SIK2: variants seen among roughly 807,000 people sequenced by gnomAD.
SIK2 encodes the protein salt inducible kinase 2.
SIK2 carries 29 observed loss-of-function variants against 103.2 expected under a neutral mutation model. That is an observed-to-expected ratio of 0.28 (90% CI 0.21 to 0.38). The LOEUF (loss-of-function observed/expected upper bound fraction) is 0.38, where lower values mean the gene tolerates loss of function less well. Ranked by LOEUF, SIK2 falls within the 10% of genes least tolerant of loss-of-function variation. The probability of loss-of-function intolerance (pLI) is 1.00; values close to 1 mark genes in which losing one functional copy is unlikely to be tolerated. For missense variants in SIK2, 879 were observed against 1,171.0 expected (o/e 0.75, Z 3.64); for synonymous variants, 412 against 446.1 (o/e 0.92, Z 0.96).
intron 3 of SIK2, chr11:111,671,467 A>G (rs1321726731): frequency 7.9e-6 from 2 of 251,956 alleles, no homozygotes; most frequent in African/African-American, 2.3e-5. Context: ...CATCTCTGAG[A>G]TCTCTGTCTT....
intron 1 of SIK2, among the ~76,000 whole-genome samples, chr11:111,614,340 T>C (rs984505931): frequency 6.6e-6 from 1 of 152,044 alleles, no homozygotes; most frequent in Admixed American, 6.6e-5. Context: ...TGCCTCGGCC[T>C]TCCAAAGTGT....
At chr11:111,691,228 G>A (rs1354740051) in intron 4 of SIK2, among the ~76,000 whole-genome samples, 1 of 152,012 alleles carries the variant, frequency 6.6e-6, no homozygotes, top group Non-Finnish European at 1.5e-5. Context: ...TTGCTTTTTA[G>A]TATCTAATCT....
intron 3 of SIK2, among the ~76,000 whole-genome samples, chr11:111,636,326 C>T (rs1284262418): frequency 6.6e-6 from 1 of 152,132 alleles, no homozygotes; most frequent in African/African-American, 2.4e-5. Flanking sequence ...GTTTTACTCT[C>T]ATATGTGAAT....
intron 1 of SIK2, among the ~76,000 whole-genome samples, chr11:111,613,126 C>T (rs915046600): frequency 6.6e-6 from 1 of 151,598 alleles, no homozygotes; most frequent in Non-Finnish European, 1.5e-5. Context: ...TTCACTTTTT[C>T]ATTGTTGAGG....
chr11:111,619,299 G>T (rs1941850503), intron 2 of SIK2, among the ~76,000 whole-genome samples: 1 of 152,154 alleles, frequency 6.6e-6, no homozygotes, highest in African/African-American at 2.4e-5. Flanking sequence ...CCTTTCAGTA[G>T]ATAGCAGTTA....
At position 111,727,028 on chromosome 11, in the gene SIK2, A is replaced by T. The variant is rs767018821; in HGVS notation, c.*2899A>T. ...TTCCCAGCTGGGCAAGTGTGTCTCT[A>T]GTATCTCCACGCAACTGATACACTG... On this transcript the variant is annotated 3_prime_UTR_variant, in exon 15 of 15. Coordinates refer to ENST00000304987, the MANE Select transcript of SIK2 (RefSeq NM_015191.3). The T allele has an allele frequency of 1.2e-6, 2 of 1,614,130 alleles. No individual in the cohort carries two copies. Among genetic ancestry groups the T allele is most frequent in the East Asian group, 4.5e-5 (2 of 44,882 alleles).
intron 3 of SIK2, among the ~76,000 whole-genome samples, chr11:111,661,730 G>A (rs1227926000): frequency 5.3e-5 from 8 of 152,218 alleles, no homozygotes; most frequent in East Asian, 1.9e-4. Context: ...GGCAGAAGGC[G>A]AAGGAGGAGC....
chr11:111,699,439 A>G (rs572458355), intron 4 of SIK2, among the ~76,000 whole-genome samples: 5 of 152,154 alleles, frequency 3.3e-5, no homozygotes, highest in Non-Finnish European at 7.3e-5. Context: ...GGCATTTTAC[A>G]TTCTTATTCT....
intron 9 of SIK2, among the ~76,000 whole-genome samples, chr11:111,717,276 A>G (rs755572319): frequency 4.0e-5 from 5 of 125,160 alleles, no homozygotes; most frequent in Admixed American, 3.3e-4. Context: ...AGATCTCACC[A>G]CTGCACTCCA....
intron 3 of SIK2, among the ~76,000 whole-genome samples, chr11:111,652,880 G>A (rs1942345190): frequency 6.6e-6 from 1 of 152,140 alleles, no homozygotes; most frequent in African/African-American, 2.4e-5. Flanking sequence ...TCAGAGGCAG[G>A]TGAGTCTTGG....
intron 8 of SIK2, among the ~76,000 whole-genome samples, chr11:111,707,954 G>C (rs997134999): frequency 6.6e-6 from 1 of 152,156 alleles, no homozygotes; most frequent in African/African-American, 2.4e-5. Flanking sequence ...CCAAGATACA[G>C]TTAGTTAACC....
intron 3 of SIK2, among the ~76,000 whole-genome samples, chr11:111,643,006 A>T (rs769781637): frequency 1.3e-5 from 2 of 152,110 alleles, no homozygotes; most frequent in Non-Finnish European, 2.9e-5. Flanking sequence ...CTCAGTTCAG[A>T]TTTCACTTTA....
chr11:111,613,909 T>C (rs896325883), intron 1 of SIK2, among the ~76,000 whole-genome samples: 1 of 151,940 alleles, frequency 6.6e-6, no homozygotes, highest in African/African-American at 2.4e-5. Flanking sequence ...AAGTTAGAAA[T>C]AGAGAAAGGT....
At chr11:111,619,460 C>A (rs961262706) in intron 2 of SIK2, among the ~76,000 whole-genome samples, 4 of 152,178 alleles carry the variant, frequency 2.6e-5, no homozygotes, top group Non-Finnish European at 4.4e-5. Context: ...TCTCCCACCT[C>A]AGCCTCCCAA....
At chr11:111,624,890 A>G (rs987567047) in intron 3 of SIK2, among the ~76,000 whole-genome samples, 1 of 152,172 alleles carries the variant, frequency 6.6e-6, no homozygotes, top group African/African-American at 2.4e-5. Flanking sequence ...GCATTTGAGC[A>G]CAGACTTTAA....
At chr11:111,653,183 G>A (rs1420983594) in intron 3 of SIK2, among the ~76,000 whole-genome samples, 1 of 152,144 alleles carries the variant, frequency 6.6e-6, no homozygotes, top group Non-Finnish European at 1.5e-5. Context: ...CTGAGAGTAG[G>A]TCTGAGAGGA....
rs549401463 is a variant in SIK2 at position 111,727,129 on chromosome 11, G to A, written c.*3000G>A. 150 of 1,341,946 alleles carry A rather than the reference G, an allele frequency of 1.1e-4. No individual in the cohort carries two copies. The highest frequency in any genetic ancestry group is 6.6e-4 in the South Asian group (55 of 83,910). 83.1% of individuals were successfully genotyped at this position (1,341,946 alleles called of 1,614,324 possible). A position where few individuals can be genotyped will look rare whatever the true frequency, so the allele number is the denominator to read the frequency against. ...TTTCACATTCCCGGTGACACTGACC[G>A]TCCCCAGCTGCCCCCTCGCCACCTC... On this transcript the variant is annotated 3_prime_UTR_variant, in exon 15 of 15. Transcript: ENST00000304987.
intron 8 of SIK2, among the ~76,000 whole-genome samples, chr11:111,709,304 C>G (rs1200895512): frequency 6.6e-6 from 1 of 152,200 alleles, no homozygotes; most frequent in African/African-American, 2.4e-5. Flanking sequence ...CTCAGGACCT[C>G]ATTTAACCTT....
chr11:111,664,689 C>T (rs1942511631), intron 3 of SIK2, among the ~76,000 whole-genome samples: 1 of 130,788 alleles, frequency 7.6e-6, no homozygotes, highest in Non-Finnish European at 1.6e-5. Flanking sequence ...CCCCCCATCA[C>T]CACCCCCCCC....
Sources: allele counts gnomAD v4.1 joint callset (sites outside exome capture counted in the v4.1 genomes callset), GRCh38; gene constraint gnomAD v4.1.1; transcripts MANE v1.5; gene names NCBI Gene and HGNC (gene_info 2026-07-23, HGNC 2026-07-21).